The following POT1 variants were observed in gnomAD, a reference collection of about 807,000 sequenced individuals.
The protein encoded by POT1 is protection of telomeres 1.
POT1 carries 47 observed loss-of-function variants against 78.5 expected under a neutral mutation model. That is an observed-to-expected ratio of 0.60 (90% CI 0.47 to 0.76). The LOEUF (loss-of-function observed/expected upper bound fraction) is 0.76. Ranked by LOEUF, POT1 falls within the 30% of genes least tolerant of loss-of-function variation. The probability of loss-of-function intolerance (pLI) is 0.00; values close to 1 mark genes in which losing one functional copy is unlikely to be tolerated. For missense variants in POT1, 646 were observed against 749.9 expected, an observed-to-expected ratio of 0.86 and a Z score of 1.62; for synonymous variants, 259 against 260.7, an observed-to-expected ratio of 0.99 and a Z score of 0.06.
intron 2 of POT1, among the ~76,000 whole-genome samples, chr7:124,921,482 ATAAAACT>A (rs1204916629): frequency 6.6e-6 from 1 of 151,212 alleles, no homozygotes; most frequent in African/African-American, 2.4e-5. Context: ...ATAAATAGAA[ATAAAACT>A]TAAAAAGAAA....
chr7:124,849,426 TTAAG>T (rs1478587562), intron 11 of POT1, among the ~76,000 whole-genome samples: 6 of 152,226 alleles, frequency 3.9e-5, no homozygotes, highest in African/African-American at 7.2e-5. Flanking sequence ...GCCAGGAAAA[TTAAG>T]TAAGAAAACA....
chr7:124,855,183 G>A (rs925307022), intron 9 of POT1, among the ~76,000 whole-genome samples: 1 of 103,016 alleles, frequency 9.7e-6, no homozygotes, highest in African/African-American at 3.8e-5. Context: ...ATAGGTATAC[G>A]TACAAACCTA....
intron 9 of POT1, among the ~76,000 whole-genome samples, chr7:124,856,558 A>T (rs902843863): frequency 6.6e-6 from 1 of 152,250 alleles, no homozygotes; most frequent in African/African-American, 2.4e-5. Flanking sequence ...TGATTCATTC[A>T]TTCAGCAGCA....
At position 124,846,935 on chromosome 7, in the gene POT1, G is replaced by A. The variant is rs766684073; in HGVS notation, c.1006+7C>T. 1 of 1,567,968 alleles carries A rather than the reference G, an allele frequency of 6.4e-7. No individual in the cohort carries two copies. The highest frequency in any genetic ancestry group is 8.8e-7 in the Non-Finnish European group (1 of 1,138,408). On this transcript the variant is annotated splice_region_variant and intron_variant, in intron 12 of 18. Coordinates refer to ENST00000357628, the MANE Select transcript of POT1 (RefSeq NM_015450.3). ...GTGCCCATCTCAAAAATGATACATA[G>A]TCTTACTTGTAGCAGATAGCTGTTG...
intron 5 of POT1, among the ~76,000 whole-genome samples, chr7:124,893,337 C>T (rs894172489): frequency 2.0e-5 from 3 of 151,460 alleles, no homozygotes; most frequent in African/African-American, 7.2e-5. Flanking sequence ...GGTTTTGAGT[C>T]ATAAATGGTA....
intron 2 of POT1, among the ~76,000 whole-genome samples, chr7:124,917,132 A>C (rs559258820): frequency 1.3e-5 from 2 of 152,236 alleles, no homozygotes; most frequent in Non-Finnish European, 1.5e-5. Context: ...AGGATCATTG[A>C]GAAGGCCCCA....
intron 3 of POT1, among the ~76,000 whole-genome samples, chr7:124,901,295 G>A (rs1407682345): frequency 2.0e-5 from 3 of 152,166 alleles, no homozygotes; most frequent in East Asian, 1.9e-4. Context: ...CCTCTGAGAC[G>A]AAGGTTCCAG....
chr7:124,855,083 T>C (rs994057116), intron 9 of POT1, among the ~76,000 whole-genome samples: 7 of 151,502 alleles, frequency 4.6e-5, no homozygotes, highest in Admixed American at 2.6e-4. Flanking sequence ...CAAAAACTTA[T>C]ACGAAAGAGA....
At chr7:124,870,350 T>C (rs960997957) in intron 7 of POT1, among the ~76,000 whole-genome samples, 4 of 152,108 alleles carry the variant, frequency 2.6e-5, no homozygotes, top group Non-Finnish European at 5.9e-5. Context: ...TTAATAACTC[T>C]ACCCTATATT....
intron 3 of POT1, among the ~76,000 whole-genome samples, chr7:124,913,814 T>G (rs565585919): frequency 1.3e-5 from 2 of 152,270 alleles, no homozygotes; most frequent in South Asian, 4.1e-4. Flanking sequence ...TAACTGTTTT[T>G]GCAATTGACT....
intron 6 of POT1, among the ~76,000 whole-genome samples, chr7:124,877,314 T>C (rs1796011401): frequency 1.3e-5 from 2 of 152,160 alleles, no homozygotes; most frequent in Admixed American, 1.3e-4. Context: ...TAAAGACAGA[T>C]GAAGAACATT....
intron 6 of POT1, among the ~76,000 whole-genome samples, chr7:124,887,679 C>T (rs7778956): frequency 0.63 from 95,025 of 151,934 alleles, 30,115 homozygotes; most frequent in African/African-American, 0.73. Context: ...CTCTGAAATA[C>T]GGCTCTATCT....
At chr7:124,834,487 G>C (rs965392454) in intron 15 of POT1, among the ~76,000 whole-genome samples, 1 of 152,112 alleles carries the variant, frequency 6.6e-6, no homozygotes, top group Non-Finnish European at 1.5e-5. Context: ...ACAAACATAT[G>C]AAAGAAAGCT....
At chr7:124,832,147 T>C (rs1794777173) in intron 15 of POT1, among the ~76,000 whole-genome samples, 1 of 148,776 alleles carries the variant, frequency 6.7e-6, no homozygotes. Context: ...TAGTCCCAGC[T>C]AGTTGGGAGG....
chr7:124,874,284 T>C (rs1795936608), intron 6 of POT1, among the ~76,000 whole-genome samples: 3 of 152,116 alleles, frequency 2.0e-5, no homozygotes, highest in Non-Finnish European at 4.4e-5. Context: ...TTTCAATCAA[T>C]ATGCCCTAAC....
intron 2 of POT1, among the ~76,000 whole-genome samples, chr7:124,924,695 A>G: frequency 6.6e-6 from 1 of 152,080 alleles, no homozygotes; most frequent in East Asian, 1.9e-4. Flanking sequence ...CTCTGATGAC[A>G]TCGATGCAAA....
chr7:124,863,757 G>T, intron 7 of POT1, 117 bp from the exon 8 acceptor site: 1 of 787,714 alleles, frequency 1.3e-6, no homozygotes, highest in Non-Finnish European at 2.0e-6. Context: ...TTAAGAGAGG[G>T]CATTTTTTAA....
chr7:124,850,588 C>T (rs548951315), intron 11 of POT1, among the ~76,000 whole-genome samples: 93 of 152,048 alleles, frequency 6.1e-4, no homozygotes, highest in Admixed American at 2.1e-3. Context: ...AAAAATTAGC[C>T]GGGTGTGGTG....
chr7:124,923,335 A>C (rs1369611191), intron 2 of POT1, among the ~76,000 whole-genome samples: 1 of 151,880 alleles, frequency 6.6e-6, no homozygotes, highest in African/African-American at 2.4e-5. Flanking sequence ...AAAAAAAGAA[A>C]AGAAAACGGA....
Sources: allele counts gnomAD v4.1 joint callset (sites outside exome capture counted in the v4.1 genomes callset), GRCh38; gene constraint gnomAD v4.1.1; transcripts MANE v1.5; gene names NCBI Gene and HGNC (gene_info 2026-07-23, HGNC 2026-07-21).